ASTN2: variants seen among roughly 807,000 people sequenced by gnomAD.
ASTN2 encodes the protein astrotactin-2.
A neutral mutation model predicts 139.8 loss-of-function variants in ASTN2; 54 were observed. The ratio of observed to expected loss-of-function variants is 0.39; its 90% confidence interval spans 0.31 to 0.48. ASTN2 has a LOEUF of 0.48. Ranked by LOEUF, ASTN2 falls within the 20% of genes least tolerant of loss-of-function variation. ASTN2 has a pLI of 0.95. For missense variants in ASTN2, 1,565 were observed against 1,725.1 expected, an observed-to-expected ratio of 0.91 and a Z score of 1.64; for synonymous variants, 756 against 719.5, an observed-to-expected ratio of 1.05 and a Z score of -0.81.
chr9:116,863,249 C>A (rs1029959901), intron 11 of ASTN2, among the ~76,000 whole-genome samples: 1 of 152,196 alleles, frequency 6.6e-6, no homozygotes, highest in Admixed American at 6.5e-5. Flanking sequence ...ATCCCGCCTA[C>A]TATTGTATTC....
intron 19 of ASTN2, among the ~76,000 whole-genome samples, chr9:116,586,763 C>A (rs1274087959): frequency 2.7e-5 from 4 of 148,922 alleles, no homozygotes; most frequent in African/African-American, 4.9e-5. Flanking sequence ...ATGTAATAAA[C>A]CTGAACATGT....
At chr9:116,720,810 A>T (rs1828451887) in intron 16 of ASTN2, among the ~76,000 whole-genome samples, 1 of 152,040 alleles carries the variant, frequency 6.6e-6, no homozygotes, top group Non-Finnish European at 1.5e-5. Flanking sequence ...AAAGTTACAG[A>T]TTCCTTTTGA....
intron 2 of ASTN2, among the ~76,000 whole-genome samples, chr9:117,223,005 G>A (rs1382636665): frequency 2.0e-5 from 3 of 152,140 alleles, no homozygotes; most frequent in Non-Finnish European, 4.4e-5. Context: ...ATCTCAGAAG[G>A]GAGCAGCTGG....
intron 7 of ASTN2, among the ~76,000 whole-genome samples, chr9:116,985,130 G>C (rs1836638977): frequency 6.6e-6 from 1 of 152,190 alleles, no homozygotes; most frequent in Non-Finnish European, 1.5e-5. Context: ...TGTACAGTGA[G>C]GAGGCTGGTC....
chr9:116,526,340 G>A (rs963068466), intron 19 of ASTN2, among the ~76,000 whole-genome samples: 1 of 152,138 alleles, frequency 6.6e-6, no homozygotes, highest in African/African-American at 2.4e-5. Flanking sequence ...GACTGGGCAC[G>A]GTGGCTCATG....
chr9:116,711,948 C>A (rs778305769), intron 16 of ASTN2, among the ~76,000 whole-genome samples: 1 of 152,200 alleles, frequency 6.6e-6, no homozygotes, highest in Non-Finnish European at 1.5e-5. Flanking sequence ...CCCTATCCCA[C>A]ACTAGCCAGA....
At chr9:116,632,252 G>GGAAGGAAGGAAGGAAA in intron 17 of ASTN2, among the ~76,000 whole-genome samples, 1 of 70,928 alleles carries the variant, frequency 1.4e-5, no homozygotes, top group African/African-American at 7.1e-5. Context: ...AAAGAAAGAA[G>GGAAGGAAGGAAGGAAA]GAAAGAAAGA....
chr9:116,693,932 G>A lies in ASTN2; in HGVS notation c.2806+31839C>T, dbSNP rs1860703066. Among the ~76,000 whole-genome samples, 3 of 152,156 alleles carry A rather than the reference G, an allele frequency of 2.0e-5. No individual in the cohort carries two copies. The South Asian group carries it at 6.2e-4, about 32-fold the overall frequency. Reference sequence around the variant, plus strand: ...GTCTCTTAGCTCCATTTCAGGCTAAGATCCTTCACAAAGCAGTGTTTTCAA... The same window carrying A: ...GTCTCTTAGCTCCATTTCAGGCTAAAATCCTTCACAAAGCAGTGTTTTCAA... On this transcript the variant is annotated intron_variant, in intron 16 of 22. Coordinates refer to ENST00000313400, the MANE Select transcript of ASTN2 (RefSeq NM_001365068.1).
At chr9:117,169,715 A>G (rs1830747213) in intron 3 of ASTN2, among the ~76,000 whole-genome samples, 1 of 143,018 alleles carries the variant, frequency 7.0e-6, no homozygotes, top group African/African-American at 2.6e-5. Flanking sequence ...TGCAGCTTGG[A>G]GGCTACGTCA....
At chr9:116,773,709 T>C (rs1268685392) in intron 13 of ASTN2, among the ~76,000 whole-genome samples, 1 of 152,206 alleles carries the variant, frequency 6.6e-6, no homozygotes, top group Non-Finnish European at 1.5e-5. Flanking sequence ...ATCCTCATTT[T>C]CACAGATGAG....
intron 1 of ASTN2, among the ~76,000 whole-genome samples, chr9:117,353,302 T>G (rs2130883629): frequency 6.6e-6 from 1 of 152,266 alleles, no homozygotes; most frequent in East Asian, 1.9e-4. Flanking sequence ...TCTCTAAGAT[T>G]TAGTGCGGTG....
chr9:116,626,156 T>TG, intron 17 of ASTN2, among the ~76,000 whole-genome samples: 1 of 59,862 alleles, frequency 1.7e-5, no homozygotes, highest in Non-Finnish European at 2.8e-5. Flanking sequence ...GTTTTTGTGT[T>TG]TTTTTTTTTT....
chr9:117,028,585 C>A (rs1357703876), intron 6 of ASTN2, among the ~76,000 whole-genome samples: 2 of 150,658 alleles, frequency 1.3e-5, no homozygotes, highest in Non-Finnish European at 3.0e-5. Context: ...CCAGGCTTCC[C>A]ACTACTTTAT....
At chr9:116,979,096 C>T (rs143275222) in intron 7 of ASTN2, among the ~76,000 whole-genome samples, 55 of 152,200 alleles carry the variant, frequency 3.6e-4, no homozygotes, top group African/African-American at 1.3e-3. Flanking sequence ...TTTAAAAACA[C>T]TGTAACTTGT....
intron 4 of ASTN2, among the ~76,000 whole-genome samples, chr9:117,123,775 C>G (rs765437051): frequency 6.6e-6 from 1 of 152,166 alleles, no homozygotes; most frequent in African/African-American, 2.4e-5. Context: ...TCCCTACCCA[C>G]CTCTCCTCAG....
chr9:116,521,874 A>C (rs1487929845), intron 19 of ASTN2, among the ~76,000 whole-genome samples: 1 of 152,154 alleles, frequency 6.6e-6, no homozygotes, highest in Non-Finnish European at 1.5e-5. Flanking sequence ...GACAATTCTC[A>C]AAAGAAGATA....
rs1040089721 is a variant in ASTN2, at chr9:117,367,546, C to T, written c.442+46951G>A. Among the ~76,000 whole-genome samples, 3 of 152,254 alleles carry T rather than the reference C, an allele frequency of 2.0e-5. No individual in the cohort carries two copies. The East Asian group carries it at 5.8e-4, about 29-fold the overall frequency. On this transcript the variant is annotated intron_variant, in intron 1 of 22. Transcript: ENST00000313400. ...TGTGAAGCTTTTGCAGAAGTCCCTGCTCATGGTAAACATTGAACATATGAG... is the reference window on the plus strand; with the variant it reads ...TGTGAAGCTTTTGCAGAAGTCCCTGTTCATGGTAAACATTGAACATATGAG...
chr9:116,784,038 T>C (rs1830294493), intron 13 of ASTN2, among the ~76,000 whole-genome samples: 1 of 152,032 alleles, frequency 6.6e-6, no homozygotes, highest in Non-Finnish European at 1.5e-5. Context: ...GAGAAAAAAA[T>C]AGTATGAGGA....
intron 10 of ASTN2, among the ~76,000 whole-genome samples, chr9:116,872,430 A>G (rs947653846): frequency 2.0e-5 from 3 of 152,170 alleles, no homozygotes; most frequent in Non-Finnish European, 4.4e-5. Flanking sequence ...GAGAAGCTCA[A>G]TGTAGGAGAA....
Sources: gnomAD v4.1 joint callset for allele counts (sites outside exome capture counted in the v4.1 genomes callset) on GRCh38, gnomAD v4.1.1 for gene constraint, MANE v1.5 for transcripts, NCBI Gene and HGNC (gene_info 2026-07-23, HGNC 2026-07-21) for gene names.